Variants in RARB observed in about 807,000 individuals in gnomAD.
The protein encoded by RARB is retinoic acid receptor beta, also known as HBV-activated protein.
Under a neutral mutation model 51.9 loss-of-function variants are expected in RARB, and 17 were observed. The observed-to-expected ratio is 0.33, with a 90% CI of 0.22 to 0.49. The LOEUF (loss-of-function observed/expected upper bound fraction) is 0.49. Among genes scored for constraint, RARB ranks in the 20% least tolerant of loss-of-function variants. The probability of loss-of-function intolerance (pLI) is 0.99; values close to 1 mark genes in which losing one functional copy is unlikely to be tolerated. For missense variants in RARB, 369 were observed against 550.8 expected (o/e 0.67, Z 3.30); for synonymous variants, 215 against 195.4 (o/e 1.10, Z -0.84).
rs557457359 is a variant in RARB at position 25,382,572 on chromosome 3, G to A, written c.179-78621G>A. Among the ~76,000 whole-genome samples, 3 of 152,258 alleles carry A rather than the reference G, an allele frequency of 2.0e-5. No individual in the cohort carries two copies. The South Asian group carries it at 6.2e-4, about 32-fold the overall frequency. On this transcript the variant is annotated intron_variant, in intron 5 of 11. Coordinates refer to the RARB transcript ENST00000383772. ...ATACCTCTCTTATGAAATGTTTCAG[G>A]AGGCTGGGTGCGGTGGCTCCTGCCT...
intron 3 of RARB, among the ~76,000 whole-genome samples, chr3:25,097,011 C>G (rs4858141): frequency 0.72 from 110,140 of 152,022 alleles, 40,569 homozygotes; most frequent in East Asian, 0.83. Flanking sequence ...AAAGAGGTAT[C>G]TTCACCACCT....
chr3:25,213,718 A>T lies in RARB; in HGVS notation c.178+39143A>T, dbSNP rs143569965. Among the ~76,000 whole-genome samples the T allele has an allele frequency of 2.6e-5, 4 of 152,342 alleles. No homozygotes were observed. The South Asian group carries it at 6.2e-4, about 24-fold the overall frequency. ...GGCAGGCATACTGATGGCAACGGCA[A>T]TGAGAGCTAGAATAATGTTTAGGAG... On this transcript the variant is annotated intron_variant, in intron 5 of 11. Transcript: ENST00000383772.
chr3:25,560,361 C>T (rs1209168646), intron 3 of RARB, among the ~76,000 whole-genome samples: 6 of 152,302 alleles, frequency 3.9e-5, no homozygotes, highest in African/African-American at 1.4e-4. Context: ...CATGAAAGAG[C>T]TTCTCTACAT....
At chr3:24,905,408 C>A (rs755171838) in intron 2 of RARB, among the ~76,000 whole-genome samples, 2 of 152,182 alleles carry the variant, frequency 1.3e-5, no homozygotes, top group Non-Finnish European at 2.9e-5. Context: ...ACACATCTGA[C>A]CACATCTCTT....
At chr3:25,533,684 A>G (rs1287969440) in intron 3 of RARB, among the ~76,000 whole-genome samples, 1 of 152,226 alleles carries the variant, frequency 6.6e-6, no homozygotes, top group East Asian at 1.9e-4. Context: ...AAACGATCCC[A>G]TAGAGGGAGC....
At chr3:25,513,661 T>TACACACACACAC (rs10525876) in intron 3 of RARB, among the ~76,000 whole-genome samples, 7,684 of 145,116 alleles carry the variant, frequency 0.053, 478 homozygotes, top group African/African-American at 0.14. Context: ...CTCTCAAAAC[T>TACACACACACAC]ACACACACAC....
intron 3 of RARB, among the ~76,000 whole-genome samples, chr3:25,526,022 G>A (rs2125637363): frequency 6.6e-6 from 1 of 152,292 alleles, no homozygotes; most frequent in South Asian, 2.1e-4. Context: ...ATTAATCTAG[G>A]CAACAAAGAA....
intron 2 of RARB, among the ~76,000 whole-genome samples, chr3:25,477,267 A>G (rs1296815208): frequency 6.6e-6 from 1 of 152,182 alleles, no homozygotes; most frequent in Non-Finnish European, 1.5e-5. Flanking sequence ...GTCTTGCTGT[A>G]TCTTCCTAGC....
intron 1 of RARB, among the ~76,000 whole-genome samples, chr3:24,848,948 C>T (rs1045353939): frequency 1.3e-5 from 2 of 152,276 alleles, no homozygotes; most frequent in Middle Eastern, 3.4e-3. Flanking sequence ...TTTGGACAGC[C>T]TTGCACTAAA....
chr3:25,352,936 T>C (rs974844528), intron 5 of RARB, among the ~76,000 whole-genome samples: 26 of 152,184 alleles, frequency 1.7e-4, no homozygotes, highest in African/African-American at 6.3e-4. Context: ...CTCATCTGTG[T>C]AACATAAATG....
rs151064405 is a variant in RARB at position 25,274,643 on chromosome 3, A to AT, written c.178+100076dup. On this transcript the variant is annotated intron_variant, in intron 5 of 11. Transcript: ENST00000383772. ...ATCTCATTAGTTTATAATAACAACT[A>AT]TTTTTTTTGTAGGTCAGCCTGGCTC... 3.1e-3 allele frequency among the ~76,000 whole-genome samples: 476 copies of AT among 152,050 alleles called. 20 individuals are homozygous for AT. The East Asian group carries it at 0.077, about 25-fold the overall frequency.
intron 2 of RARB, among the ~76,000 whole-genome samples, chr3:25,489,754 G>T (rs1404186686): frequency 6.6e-6 from 1 of 152,238 alleles, no homozygotes; most frequent in Non-Finnish European, 1.5e-5. Flanking sequence ...AAGTCCTAGG[G>T]CCTGTGGAAA....
At chr3:25,410,272 G>T (rs896705425) in intron 5 of RARB, among the ~76,000 whole-genome samples, 1 of 152,118 alleles carries the variant, frequency 6.6e-6, no homozygotes, top group Non-Finnish European at 1.5e-5. Context: ...TCCAGTGCCT[G>T]GTGAATTAAA....
At chr3:25,182,487 A>G (rs947457162) in intron 5 of RARB, among the ~76,000 whole-genome samples, 2 of 152,172 alleles carry the variant, frequency 1.3e-5, no homozygotes, top group African/African-American at 4.8e-5. Flanking sequence ...TGTGTAGCCA[A>G]TGTAGCCAAT....
At chr3:25,408,804 G>A (rs554562779) in intron 5 of RARB, among the ~76,000 whole-genome samples, 4 of 152,306 alleles carry the variant, frequency 2.6e-5, no homozygotes, top group African/African-American at 9.6e-5. Context: ...GGGAGGCTGA[G>A]GCGGGCAGAT....
intron 5 of RARB, among the ~76,000 whole-genome samples, chr3:25,204,878 C>A (rs1463900198): frequency 3.3e-5 from 5 of 151,812 alleles, no homozygotes; most frequent in Admixed American, 2.0e-4. Context: ...GGTCAGGGAC[C>A]CACTTGAGGA....
chr3:25,116,089 G>A (rs1021226427), intron 3 of RARB, among the ~76,000 whole-genome samples: 2 of 152,088 alleles, frequency 1.3e-5, no homozygotes, highest in Non-Finnish European at 2.9e-5. Flanking sequence ...CTAAACTTCT[G>A]CTCTACTAGT....
chr3:25,533,137 A>C (rs547375627), intron 3 of RARB, among the ~76,000 whole-genome samples: 1 of 152,336 alleles, frequency 6.6e-6, no homozygotes, highest in South Asian at 2.1e-4. Flanking sequence ...GTTAATGCAC[A>C]CTAACAAAAA....
intron 5 of RARB, among the ~76,000 whole-genome samples, chr3:25,416,304 G>A (rs552527933): frequency 7.9e-5 from 12 of 152,298 alleles, no homozygotes; most frequent in South Asian, 4.1e-4. Context: ...CGGGAGGATC[G>A]CTTGAGCCTG....
Sources: gnomAD v4.1 joint callset for allele counts (sites outside exome capture counted in the v4.1 genomes callset) on GRCh38, gnomAD v4.1.1 for gene constraint, MANE v1.5 for transcripts, NCBI Gene and HGNC (gene_info 2026-07-23, HGNC 2026-07-21) for gene names.